The following PPP1R10 variants were observed in gnomAD, a reference collection of about 807,000 sequenced individuals.
The protein encoded by PPP1R10 is serine/threonine-protein phosphatase 1 regulatory subunit 10.
Under a neutral mutation model 99.0 loss-of-function variants are expected in PPP1R10, and 15 were observed. That is an observed-to-expected ratio of 0.15 (90% CI 0.10 to 0.23). The LOEUF (loss-of-function observed/expected upper bound fraction) is 0.23. PPP1R10 is among the 10% of genes least tolerant of loss of function. PPP1R10 has a pLI of 1.00. For synonymous variants in PPP1R10, 430 were observed against 449.5 expected (o/e 0.96, Z 0.55); for missense variants, 947 against 1,259.4 (o/e 0.75, Z 3.75).
chr6:30,614,978 A>G (rs772433264), intron 2 of PPP1R10, among the ~76,000 whole-genome samples: 1 of 152,234 alleles, frequency 6.6e-6, no homozygotes, highest in Non-Finnish European at 1.5e-5. Flanking sequence ...AGGCAGTGCA[A>G]AAGCATCTGC....
At chr6:30,610,913 G>A (rs905221257) in intron 2 of PPP1R10, among the ~76,000 whole-genome samples, 1 of 152,200 alleles carries the variant, frequency 6.6e-6, no homozygotes, top group African/African-American at 2.4e-5. Context: ...TCCTTTTATG[G>A]AAGGGACAAG....
intron 16 of PPP1R10, 48 bp from the exon 17 acceptor site, chr6:30,603,333 C>A (rs1313310282): frequency 1.3e-6 from 2 of 1,588,866 alleles, no homozygotes; most frequent in African/African-American, 1.3e-5. Context: ...AGGGTAACAA[C>A]CATGGCGAAA....
chr6:30,607,199 C>A (rs1213698677), intron 6 of PPP1R10, among the ~76,000 whole-genome samples: 2 of 152,170 alleles, frequency 1.3e-5, no homozygotes, highest in Non-Finnish European at 2.9e-5. Flanking sequence ...GTACCAAAAT[C>A]TCAGAAATCA....
chr6:30,609,240 G>T lies in PPP1R10; in HGVS notation c.108-77C>A. ...TAGCAAAAGCGCCTCTCTGTGAACT[G>T]CCTAGAGATTCCTAATGACTTGGGA... On this transcript the variant is annotated intron_variant, in intron 3 of 19. Coordinates refer to ENST00000376511, the MANE Select transcript of PPP1R10 (RefSeq NM_002714.4). The surrounding 1 kb of genome is among the most constrained non-coding windows in gnomAD (Gnocchi z 4.5). The T allele has an allele frequency of 7.5e-7, 1 of 1,337,144 alleles. No individual in the cohort carries two copies. Among genetic ancestry groups the T allele is most frequent in the Non-Finnish European group, 1.1e-6 (1 of 937,106 alleles). 82.8% of individuals were successfully genotyped at this position (1,337,144 alleles called of 1,614,324 possible).
Position 30,602,448 on chromosome 6 carries a change from G to T in PPP1R10, c.2201C>A (p.Pro734His), listed in dbSNP as rs753380511. The change falls in exon 19 of 20, where the codon CCC (proline) becomes CAC (histidine). Residue 734 changes from proline to histidine, a missense_variant. This residue lies in a region of PPP1R10 where 525 missense variants were observed against 578.8 expected (regional missense o/e 0.91). Coordinates refer to ENST00000376511, the MANE Select transcript of PPP1R10 (RefSeq NM_002714.4). This position sits in a 1 kb window ranked among gnomAD's most constrained non-coding sequence, Gnocchi z 6.7. ...ACCAGGGCCCCCTCGTCCATTTGGG[G>T]GTCCTCCTCCAGAGCGACCTCCTCT... The part of the protein sequence containing the change: ...GARGGRSGGG[P>H]PNGRGGPGGG... 1.9e-6 allele frequency: 3 copies of T among 1,601,478 alleles called. No individual in the cohort carries two copies. Among genetic ancestry groups the T allele is most frequent in the Non-Finnish European group, 2.6e-6 (3 of 1,172,714 alleles).
At chr6:30,613,023 A>G (rs1804715252) in intron 2 of PPP1R10, among the ~76,000 whole-genome samples, 1 of 152,178 alleles carries the variant, frequency 6.6e-6, no homozygotes, top group South Asian at 2.1e-4. Context: ...GGAGTGAGGT[A>G]GCAACCCCCT....
intron 17 of PPP1R10, 119 bp downstream of exon 17, chr6:30,603,091 T>C: frequency 1.4e-6 from 2 of 1,428,308 alleles, no homozygotes; most frequent in Non-Finnish European, 2.0e-6. Flanking sequence ...AGTCTTCCCC[T>C]CCCATTTCTT....
intron 2 of PPP1R10, among the ~76,000 whole-genome samples, chr6:30,615,838 G>C (rs1469815486): frequency 6.6e-6 from 1 of 152,056 alleles, no homozygotes; most frequent in Non-Finnish European, 1.5e-5. Flanking sequence ...TTTGTCCTAA[G>C]TGTCTTGCAA....
intron 2 of PPP1R10, among the ~76,000 whole-genome samples, chr6:30,612,752 CCAAA>C (rs1219792287): frequency 6.6e-6 from 1 of 152,020 alleles, no homozygotes; most frequent in Non-Finnish European, 1.5e-5. Context: ...TGGAAAAAAA[CCAAA>C]CAATTTCCAA....
At chr6:30,615,429 G>C (rs1048988270) in intron 2 of PPP1R10, among the ~76,000 whole-genome samples, 5 of 152,144 alleles carry the variant, frequency 3.3e-5, no homozygotes, top group Non-Finnish European at 5.9e-5. Flanking sequence ...AGAGGGAAAG[G>C]GGGAGGAAGG....
intron 2 of PPP1R10, among the ~76,000 whole-genome samples, chr6:30,611,353 A>G (rs1804534751): frequency 6.6e-6 from 1 of 152,244 alleles, no homozygotes. Context: ...AAGCCACTTC[A>G]GCAATATCTG....
At chr6:30,613,956 A>G (rs1179868324) in intron 2 of PPP1R10, among the ~76,000 whole-genome samples, 1 of 152,228 alleles carries the variant, frequency 6.6e-6, no homozygotes, top group Non-Finnish European at 1.5e-5. Flanking sequence ...ATAATTTGAG[A>G]ATCTGTACCC....
intron 2 of PPP1R10, among the ~76,000 whole-genome samples, chr6:30,615,013 G>A (rs200491115): frequency 6.6e-6 from 1 of 152,274 alleles, no homozygotes; most frequent in East Asian, 1.9e-4. Flanking sequence ...TCAAGAGGGT[G>A]GAGAGAGGAG....
At position 30,609,861 on chromosome 6, in the gene PPP1R10, C is replaced by T. The variant is rs143354660; in HGVS notation, c.84G>A (p.Val28=). 5 of 1,613,896 alleles carry T rather than the reference C, an allele frequency of 3.1e-6. No individual in the cohort carries two copies. The African/African-American group carries it at 4.0e-5, about 13-fold the overall frequency. Residue 28 remains valine, a synonymous_variant, in exon 3 of 20, where the codon GTG becomes GTA. Transcript: ENST00000376511. This position sits in a 1 kb window ranked among gnomAD's most constrained non-coding sequence, Gnocchi z 4.5. ...FLNRDGEVKS[V]DGISKIFSLM... ...ACCTGAAGATCTTGGAAATCCCATC[C>T]ACACTTTTGACTTCCCCATCTCGGT... is the stretch of plus-strand genomic sequence containing the variant.
At chr6:30,605,860 C>T in intron 10 of PPP1R10, 63 bp downstream of exon 10, 1 of 1,197,030 alleles carries the variant, frequency 8.4e-7, no homozygotes, top group Non-Finnish European at 1.1e-6. Context: ...ACTCTGTCTC[C>T]AAAAAAAAAA....
At chr6:30,608,262 G>A (rs1475049749) in intron 5 of PPP1R10, among the ~76,000 whole-genome samples, 1 of 149,352 alleles carries the variant, frequency 6.7e-6, no homozygotes, top group Non-Finnish European at 1.5e-5. Context: ...AAAGTGTTGG[G>A]ATTACAGGTG....
chr6:30,612,137 T>TA (rs199922242), intron 2 of PPP1R10, among the ~76,000 whole-genome samples: 1,998 of 152,314 alleles, frequency 0.013, 22 homozygotes, highest in Admixed American at 0.024. Flanking sequence ...CACACATACC[T>TA]ACCATTAGAT....
At position 30,606,029 on chromosome 6, in the gene PPP1R10, T is replaced by G; in HGVS notation, c.747A>C (p.Val249=). Residue 249 remains valine (V), a synonymous_variant, in exon 10 of 20, where the codon GTA becomes GTC. Transcript: ENST00000376511. This position sits in a 1 kb window ranked among gnomAD's most constrained non-coding sequence, Gnocchi z 6.3. ...KPIPLKRQSN[V]AAPGDATPPA... is the part of the protein sequence containing the mutation. ...GGGGAGTGGCATCTCCTGGAGCAGC[T>G]ACGTTGCTGTCAGAAGAGGAACTGT... is the stretch of plus-strand genomic sequence containing the variant. 1 of 1,614,034 alleles carries G rather than the reference T, an allele frequency of 6.2e-7. No homozygotes were observed. Among genetic ancestry groups the G allele is most frequent in the Non-Finnish European group, 8.5e-7 (1 of 1,179,932 alleles).
Position 30,602,547 on chromosome 6 carries a change from C to A in PPP1R10, c.2102G>T (p.Gly701Val). 2 of 1,570,750 alleles carry A rather than the reference C, an allele frequency of 1.3e-6. No homozygotes were observed. Among genetic ancestry groups the A allele is most frequent in the Middle Eastern group, 3.4e-4 (2 of 5,834 alleles). The change falls in exon 19 of 20, where the codon GGA (glycine) becomes GTA (valine). Residue 701 changes from glycine (G) to valine (V), a missense_variant. Physicochemically the swap from Gly to Val is moderately radical, Grantham distance 109 (BLOSUM62 -3). Around this residue, in one of 10 missense-constraint regions of PPP1R10, gnomAD observed 525 missense variants for 578.8 expected, o/e 0.91. Coordinates refer to ENST00000376511, the MANE Select transcript of PPP1R10 (RefSeq NM_002714.4). The surrounding 1 kb of genome is among the most constrained non-coding windows in gnomAD (Gnocchi z 6.7). ...GCCACCTCGGCCTCTATGGTATGGTCCAGGACCTGGTCCTGGACCCCCCCG... is the reference window on the plus strand; with the variant it reads ...GCCACCTCGGCCTCTATGGTATGGTACAGGACCTGGTCCTGGACCCCCCCG... ...PMRGGPGPGP[G>V]PYHRGRGGRG...
Sources: allele counts gnomAD v4.1 joint callset (sites outside exome capture counted in the v4.1 genomes callset), GRCh38; gene constraint gnomAD v4.1.1; regional missense constraint gnomAD v4.1.1; non-coding constraint Gnocchi (gnomAD v3.1); transcripts MANE v1.5; gene names NCBI Gene and HGNC (gene_info 2026-07-23, HGNC 2026-07-21).